PATJ: variants seen among roughly 807,000 people sequenced by gnomAD.
PATJ encodes inaD-like protein.
A neutral mutation model predicts 224.9 loss-of-function variants in PATJ; 190 were observed. The observed-to-expected ratio is 0.84, with a 90% CI of 0.75 to 0.95. The LOEUF (loss-of-function observed/expected upper bound fraction) is 0.95. Among genes scored for constraint, PATJ ranks in the 40% least tolerant of loss-of-function variants. The pLI is 0.00. For missense variants in PATJ, 2,121 were observed against 2,270.3 expected (o/e 0.93, Z 1.34); for synonymous variants, 769 against 820.3 (o/e 0.94, Z 1.07).
intron 39 of PATJ, among the ~76,000 whole-genome samples, chr1:62,123,862 A>C (rs966394252): frequency 6.6e-6 from 1 of 151,710 alleles, no homozygotes; most frequent in African/African-American, 2.4e-5. Flanking sequence ...ATAGTAAAAC[A>C]TCTTTATATT....
At chr1:61,836,228 G>A (rs1660157236) in intron 17 of PATJ, among the ~76,000 whole-genome samples, 1 of 152,086 alleles carries the variant, frequency 6.6e-6, no homozygotes, top group South Asian at 2.1e-4. Context: ...GGTATGTATT[G>A]TAACTTCTAT....
intron 38 of PATJ, among the ~76,000 whole-genome samples, chr1:62,122,454 A>G (rs1256111813): frequency 1.3e-5 from 2 of 151,854 alleles, no homozygotes; most frequent in African/African-American, 4.8e-5. Flanking sequence ...AGCTGCTGCT[A>G]TATAGCCCAT....
chr1:61,872,661 C>T (rs940495189), intron 20 of PATJ, among the ~76,000 whole-genome samples: 1 of 152,194 alleles, frequency 6.6e-6, no homozygotes, highest in Non-Finnish European at 1.5e-5. Flanking sequence ...CAAATGTAAT[C>T]AATCTATCAT....
intron 14 of PATJ, among the ~76,000 whole-genome samples, chr1:61,822,442 A>AG (rs1657476290): frequency 6.6e-6 from 1 of 151,482 alleles, no homozygotes; most frequent in Non-Finnish European, 1.5e-5. Context: ...AAAAAAAAAA[A>AG]AAAAGAAAAG....
At chr1:61,951,519 AAAT>A (rs971253739) in intron 27 of PATJ, among the ~76,000 whole-genome samples, 2 of 151,846 alleles carry the variant, frequency 1.3e-5, no homozygotes, top group African/African-American at 4.8e-5. Flanking sequence ...GTAATTGGTT[AAAT>A]AATGGTATTC....
At chr1:61,982,230 A>G (rs967049558) in intron 27 of PATJ, among the ~76,000 whole-genome samples, 5 of 152,048 alleles carry the variant, frequency 3.3e-5, no homozygotes, top group Admixed American at 1.3e-4. Flanking sequence ...TAAAATACTC[A>G]GTCTGCTAAG....
rs555348549 is a variant in PATJ, at chr1:61,991,852, G to A, written c.3867+1488G>A. On this transcript the variant is annotated intron_variant, in intron 28 of 43. Transcript: ENST00000642238. ...CAGAGATGAGACAAAAGTGATGCTG[G>A]TAGTAAAAATGATGAAAGTTAGAGC... 6 of 510,848 alleles carry A rather than the reference G, an allele frequency of 1.2e-5. No homozygotes were observed. The African/African-American group carries it at 1.2e-4, about 11-fold the overall frequency. 31.6% of individuals were successfully genotyped at this position (510,848 alleles called of 1,614,324 possible). A position where few individuals can be genotyped will look rare whatever the true frequency, so the allele number is the denominator to read the frequency against.
At chr1:61,791,219 A>G in intron 8 of PATJ, 129 bp from the exon 9 acceptor site, 1 of 552,804 alleles carries the variant, frequency 1.8e-6, no homozygotes. Flanking sequence ...ATTGAAGGTC[A>G]TGGGACCATC....
intron 29 of PATJ, among the ~76,000 whole-genome samples, chr1:62,031,432 G>T (rs572601595): frequency 6.6e-6 from 1 of 152,184 alleles, no homozygotes; most frequent in Non-Finnish European, 1.5e-5. Flanking sequence ...CTCTATAAGG[G>T]ATAGGTAATA....
intron 15 of PATJ, among the ~76,000 whole-genome samples, chr1:61,825,562 A>G (rs1404169647): frequency 6.6e-6 from 1 of 152,108 alleles, no homozygotes; most frequent in Non-Finnish European, 1.5e-5. Flanking sequence ...AAACACAAAT[A>G]TGCTTTGGGG....
At chr1:61,927,660 C>T (rs751906180) in intron 26 of PATJ, 70 bp from the exon 27 acceptor site, 4 of 959,128 alleles carry the variant, frequency 4.2e-6, no homozygotes, top group Non-Finnish European at 6.5e-6. Context: ...TCTTTTTATG[C>T]TTTTTGTCAT....
chr1:61,800,341 T>C (rs935493993), intron 11 of PATJ, among the ~76,000 whole-genome samples: 1 of 152,178 alleles, frequency 6.6e-6, no homozygotes, highest in Admixed American at 6.5e-5. Context: ...GTGGATTTAA[T>C]TGCAGGATTG....
intron 14 of PATJ, among the ~76,000 whole-genome samples, chr1:61,816,255 C>T (rs1369276006): frequency 6.6e-6 from 1 of 152,110 alleles, no homozygotes; most frequent in East Asian, 1.9e-4. Context: ...CGGTTCTTTG[C>T]TTTAAATATA....
intron 28 of PATJ, among the ~76,000 whole-genome samples, chr1:61,997,981 C>CTTTTT (rs1445735043): frequency 2.5e-5 from 2 of 78,642 alleles, no homozygotes; most frequent in African/African-American, 4.7e-5. Flanking sequence ...CTGTGCCCAG[C>CTTTTT]TTATATATGT....
At chr1:61,812,433 A>AGAGAGAGTGTGTGTGTGTGTGT (rs1397549346) in intron 14 of PATJ, among the ~76,000 whole-genome samples, 9 of 85,198 alleles carry the variant, frequency 1.1e-4, no homozygotes, top group Non-Finnish European at 1.9e-4. Context: ...AGAGAGAGAG[A>AGAGAGAGTGTGTGTGTGTGTGT]GTGTGTGTGT....
At chr1:61,810,195 C>G (rs1329320021) in intron 14 of PATJ, among the ~76,000 whole-genome samples, 1 of 152,090 alleles carries the variant, frequency 6.6e-6, no homozygotes, top group African/African-American at 2.4e-5. Flanking sequence ...TTCTTCCCTT[C>G]CCAGTTTACC....
chr1:61,834,617 A>G (rs1659877287), intron 17 of PATJ, among the ~76,000 whole-genome samples: 1 of 152,232 alleles, frequency 6.6e-6, no homozygotes, highest in Non-Finnish European at 1.5e-5. Flanking sequence ...TTAGTAAAGC[A>G]AAATGTACTC....
intron 37 of PATJ, among the ~76,000 whole-genome samples, chr1:62,118,623 C>CT (rs112763190): frequency 2.0e-5 from 3 of 151,476 alleles, no homozygotes; most frequent in African/African-American, 7.3e-5. Flanking sequence ...TGAGCATCTT[C>CT]TTATTTATTT....
intron 13 of PATJ, 95 bp from the exon 14 acceptor site, chr1:61,808,379 T>G: frequency 1.4e-6 from 1 of 731,780 alleles, no homozygotes; most frequent in South Asian, 1.6e-5. Flanking sequence ...CAAATAGAGT[T>G]ATCAATATAT....
Sources: gnomAD v4.1 joint callset for allele counts (sites outside exome capture counted in the v4.1 genomes callset) on GRCh38, gnomAD v4.1.1 for gene constraint, MANE v1.5 for transcripts, NCBI Gene and HGNC (gene_info 2026-07-23, HGNC 2026-07-21) for gene names.